BRINP2: variants seen among roughly 807,000 people sequenced by gnomAD.
The protein encoded by BRINP2 is BMP/retinoic acid-inducible neural-specific protein 2.
Under a neutral mutation model 69.2 loss-of-function variants are expected in BRINP2, and 21 were observed. The ratio of observed to expected loss-of-function variants is 0.30; its 90% CI spans 0.22 to 0.44. BRINP2 has a LOEUF of 0.44. BRINP2 is among the 20% of genes least tolerant of loss of function. The probability of loss-of-function intolerance (pLI) is 1.00; values close to 1 mark genes in which losing one functional copy is unlikely to be tolerated. For missense variants in BRINP2, 877 were observed against 986.0 expected (o/e 0.89, Z 1.48); for synonymous variants, 380 against 394.1 (o/e 0.96, Z 0.42).
chr1:177,207,256 AG>A (rs753099155), intron 1 of BRINP2, among the ~76,000 whole-genome samples: 3 of 152,196 alleles, frequency 2.0e-5, no homozygotes, highest in Non-Finnish European at 4.4e-5. Context: ...GATGTTACCT[AG>A]AGCCTGAGTG....
chr1:177,189,976 G>T (rs1648539689), intron 1 of BRINP2, among the ~76,000 whole-genome samples: 1 of 152,214 alleles, frequency 6.6e-6, no homozygotes, highest in South Asian at 2.1e-4. Flanking sequence ...TTGGTAACAG[G>T]TGGTGAATCT....
chr1:177,182,964 T>C (rs1350703891), intron 1 of BRINP2, among the ~76,000 whole-genome samples: 1 of 151,986 alleles, frequency 6.6e-6, no homozygotes, highest in Non-Finnish European at 1.5e-5. Flanking sequence ...TTTTTCTTTT[T>C]TTTTCTTTTC....
chr1:177,234,292 T>C (rs1649949969), intron 2 of BRINP2, among the ~76,000 whole-genome samples: 1 of 152,136 alleles, frequency 6.6e-6, no homozygotes, highest in African/African-American at 2.4e-5. Flanking sequence ...CAGCCAGAAA[T>C]AGCACTCAGG....
chr1:177,271,379 T>A (rs1233638966), intron 4 of BRINP2, among the ~76,000 whole-genome samples: 1 of 152,216 alleles, frequency 6.6e-6, no homozygotes, highest in Non-Finnish European at 1.5e-5. Context: ...CTGGTCTGTT[T>A]AGAATACTTG....
At chr1:177,231,064 G>T (rs993856796) in intron 2 of BRINP2, among the ~76,000 whole-genome samples, 1 of 152,138 alleles carries the variant, frequency 6.6e-6, no homozygotes, top group Non-Finnish European at 1.5e-5. Context: ...CATTCTTTTG[G>T]CAACTAAAGG....
chr1:177,280,335 T>TA (rs1056301601), intron 7 of BRINP2, 77 bp from the exon 8 acceptor site: 143 of 1,395,936 alleles, frequency 1.0e-4, no homozygotes, highest in Non-Finnish European at 1.4e-4. Flanking sequence ...TAGTGGTCAA[T>TA]GTCTTGCTGC....
chr1:177,229,727 C>CA (rs1161241089), intron 1 of BRINP2, 74 bp from the exon 2 acceptor site: 82 of 1,117,508 alleles, frequency 7.3e-5, no homozygotes, highest in Non-Finnish European at 3.8e-5. Flanking sequence ...GGGCCCAACC[C>CA]AATTATGTGT....
chr1:177,243,127 G>GA lies in BRINP2; in HGVS notation c.270-12782dup, dbSNP rs990531863. On this transcript the variant is annotated intron_variant, in intron 2 of 7. Coordinates refer to ENST00000361539, the MANE Select transcript of BRINP2 (RefSeq NM_021165.4). ...TGAGGGGTCGCCCATTAGTAAATAA[G>GA]AAAAAAAAAAGAATGAGAAATCTAG... Among the ~76,000 whole-genome samples, 269 of 143,242 alleles carry GA rather than the reference G, an allele frequency of 1.9e-3. 1 individual carries two copies. The highest frequency in any genetic ancestry group is 5.6e-3 in the African/African-American group (220 of 39,098). The allele number at this position is 143,242 out of a possible 152,430, so 94.0% of individuals were successfully genotyped here. A position where few individuals can be genotyped will look rare whatever the true frequency, so the allele number is the denominator to read the frequency against.
intron 3 of BRINP2, chr1:177,256,815 C>T (rs1319139206): frequency 8.7e-6 from 10 of 1,149,038 alleles, no homozygotes; most frequent in Non-Finnish European, 1.1e-5. Flanking sequence ...AGGCTTTTGC[C>T]CTTCCTGAGG....
At chr1:177,273,347 G>T in intron 4 of BRINP2, 141 bp from the exon 5 acceptor site, 1 of 502,884 alleles carries the variant, frequency 2.0e-6, no homozygotes. Flanking sequence ...TTATACCTCT[G>T]GAGTACGAAA....
intron 2 of BRINP2, among the ~76,000 whole-genome samples, chr1:177,241,906 G>T (rs1031187976): frequency 2.0e-5 from 3 of 152,194 alleles, no homozygotes; most frequent in African/African-American, 7.2e-5. Context: ...CTGGAGTTGT[G>T]TCTAGAGAAT....
intron 1 of BRINP2, among the ~76,000 whole-genome samples, 193 bp downstream of exon 1, chr1:177,171,925 T>C (rs897842919): frequency 2.0e-5 from 3 of 152,180 alleles, no homozygotes; most frequent in African/African-American, 7.2e-5. Context: ...GGGGTTGAGC[T>C]AGAGATTGCT....
At position 177,275,132 on chromosome 1, in the gene BRINP2, G is replaced by A. The variant is rs561920668; in HGVS notation, c.776-1066G>A. On this transcript the variant is annotated intron_variant, in intron 5 of 7. Coordinates refer to ENST00000361539, the MANE Select transcript of BRINP2 (RefSeq NM_021165.4). ...GCCTCCTGCAGATCTGACCTCGAACGTGGCCCAGACTGCATCCAAAGGCAT... is the reference window on the plus strand; with the variant it reads ...GCCTCCTGCAGATCTGACCTCGAACATGGCCCAGACTGCATCCAAAGGCAT... 120 of 456,272 alleles carry A rather than the reference G, an allele frequency of 2.6e-4. 6 individuals are homozygous for A. Among genetic ancestry groups the A allele is most frequent in the South Asian group, 1.8e-3 (118 of 64,564 alleles). The allele number at this position is 456,272 out of a possible 1,614,324, so 28.3% of individuals were successfully genotyped here.
chr1:177,265,849 G>A (rs993927284), intron 4 of BRINP2, among the ~76,000 whole-genome samples: 5 of 151,968 alleles, frequency 3.3e-5, no homozygotes, highest in African/African-American at 7.3e-5. Context: ...GGCCAGCTGC[G>A]GTGGCTCACA....
chr1:177,212,901 T>G (rs1481567163), intron 1 of BRINP2, among the ~76,000 whole-genome samples: 1 of 152,212 alleles, frequency 6.6e-6, no homozygotes, highest in African/African-American at 2.4e-5. Flanking sequence ...TGAAGCTAGG[T>G]GAGCGCCACT....
chr1:177,267,000 A>G (rs1044581469), intron 4 of BRINP2, among the ~76,000 whole-genome samples: 1 of 152,172 alleles, frequency 6.6e-6, no homozygotes, highest in Non-Finnish European at 1.5e-5. Context: ...CACTAAAAGT[A>G]CAGAGCTTCC....
rs1250745399 is a variant in BRINP2, at chr1:177,230,116, G to C, written c.240G>C (p.Gln80His). 6.2e-7 allele frequency: 1 copy of C among 1,612,118 alleles called. No homozygotes were observed. Among genetic ancestry groups the C allele is most frequent in the Admixed American group, 1.7e-5 (1 of 59,844 alleles). ...EYADFMERYR[Q>H]GFTTRYRIYR... ...CTGACTTCATGGAGCGGTACCGCCA[G>C]GGTTTCACCACCAGGTACAGGATTT... The change falls in exon 2 of 8, where the codon CAG becomes CAC. Residue 80 changes from glutamine to histidine, a missense_variant. Coordinates refer to ENST00000361539, the MANE Select transcript of BRINP2 (RefSeq NM_021165.4).
intron 1 of BRINP2, among the ~76,000 whole-genome samples, chr1:177,219,226 C>G (rs1485234176): frequency 6.6e-6 from 1 of 152,134 alleles, no homozygotes; most frequent in African/African-American, 2.4e-5. Context: ...TAGCTCCTGC[C>G]ACCACACATC....
intron 6 of BRINP2, among the ~76,000 whole-genome samples, chr1:177,278,011 G>A (rs181983809): frequency 6.6e-5 from 10 of 152,288 alleles, no homozygotes; most frequent in Admixed American, 6.5e-4. Context: ...AAGAGAAGAA[G>A]AGTATCTTAG....
Sources: gnomAD v4.1 joint callset for allele counts (sites outside exome capture counted in the v4.1 genomes callset) on GRCh38, gnomAD v4.1.1 for gene constraint, MANE v1.5 for transcripts, NCBI Gene and HGNC (gene_info 2026-07-23, HGNC 2026-07-21) for gene names.